Variants in ATOSA observed in about 807,000 individuals in gnomAD.
ATOSA encodes atos homolog A.
chr15:52,641,671 T>C, the ATOSA span, among the ~76,000 whole-genome samples: 1 of 152,216 alleles, frequency 6.6e-6, no homozygotes, highest in Non-Finnish European at 1.5e-5. Context: ...TCTGTGCAAA[T>C]ATAGGAAGAT....
chr15:52,608,904 A>C, the ATOSA span: 5 of 1,608,548 alleles, frequency 3.1e-6, no homozygotes, highest in Admixed American at 8.5e-5. Context: ...GAAGATTGCC[A>C]AAGAATTTTG....
the ATOSA span, among the ~76,000 whole-genome samples, chr15:52,696,124 A>G: frequency 1.3e-5 from 2 of 152,142 alleles, no homozygotes; most frequent in Non-Finnish European, 2.9e-5. Context: ...ATTAGGTGAT[A>G]GTGGGGCAAG....
At chr15:52,617,007 T>C in the ATOSA span, among the ~76,000 whole-genome samples, 1 of 152,128 alleles carries the variant, frequency 6.6e-6, no homozygotes, top group South Asian at 2.1e-4. Context: ...AAGTATATTG[T>C]TATGAAATTA....
the ATOSA span, among the ~76,000 whole-genome samples, chr15:52,673,531 G>T: frequency 6.6e-6 from 1 of 152,194 alleles, no homozygotes; most frequent in Non-Finnish European, 1.5e-5. Flanking sequence ...TATCTGTGAG[G>T]ATTAAATGAG....
the ATOSA span, among the ~76,000 whole-genome samples, chr15:52,695,577 G>C: frequency 6.6e-6 from 1 of 152,192 alleles, no homozygotes; most frequent in African/African-American, 2.4e-5. Context: ...TTGGAACAGT[G>C]AACAAAAAGA....
the ATOSA span, chr15:52,584,856 A>G: frequency 1.2e-6 from 2 of 1,613,598 alleles, no homozygotes; most frequent in Non-Finnish European, 1.7e-6. Flanking sequence ...TCTTTGTCGT[A>G]GGAATGTCTG....
chr15:52,660,799 G>C, the ATOSA span, among the ~76,000 whole-genome samples: 1 of 152,006 alleles, frequency 6.6e-6, no homozygotes, highest in African/African-American at 2.4e-5. Context: ...TTACAAGCAT[G>C]GGCCACCAAT....
the ATOSA span, among the ~76,000 whole-genome samples, chr15:52,643,482 TCTCA>T: frequency 0.55 from 81,882 of 147,838 alleles, 26,592 homozygotes; most frequent in Non-Finnish European, 0.73. Context: ...AGCGACAGCA[TCTCA>T]CTATGTTGCC....
the ATOSA span, among the ~76,000 whole-genome samples, chr15:52,673,373 G>T: frequency 6.6e-6 from 1 of 152,190 alleles, no homozygotes; most frequent in Non-Finnish European, 1.5e-5. Context: ...ACCAGTCAGG[G>T]AGCTTAAGAG....
At chr15:52,658,669 G>C in the ATOSA span, 1 of 397,694 alleles carries the variant, frequency 2.5e-6, no homozygotes, top group East Asian at 3.6e-5. Flanking sequence ...ACCACAAACA[G>C]AAAGGGATAG....
the ATOSA span, among the ~76,000 whole-genome samples, chr15:52,677,698 G>A: frequency 6.6e-6 from 1 of 152,080 alleles, no homozygotes; most frequent in Non-Finnish European, 1.5e-5. Context: ...CTAAAAACGA[G>A]CAAGTACAAC....
the ATOSA span, chr15:52,613,549 C>T: frequency 1.7e-6 from 2 of 1,192,374 alleles, no homozygotes; most frequent in Non-Finnish European, 2.3e-6. Flanking sequence ...GGATTTTTTC[C>T]CTTTATGATT....
At chr15:52,618,302 G>A in the ATOSA span, among the ~76,000 whole-genome samples, 1 of 152,164 alleles carries the variant, frequency 6.6e-6, no homozygotes, top group African/African-American at 2.4e-5. Context: ...GCCTCCCAAA[G>A]GGCTGGGATT....
chr15:52,611,728 T>C, the ATOSA span: 1 of 1,614,044 alleles, frequency 6.2e-7, no homozygotes, highest in Non-Finnish European at 8.5e-7. Flanking sequence ...TGGAAGGTTA[T>C]TCTTCCACAA....
chr15:52,697,652 C>A, the ATOSA span, among the ~76,000 whole-genome samples: 3 of 151,366 alleles, frequency 2.0e-5, no homozygotes, highest in African/African-American at 4.9e-5. Flanking sequence ...GTTTGCAAAC[C>A]AGACTAGAAG....
the ATOSA span, among the ~76,000 whole-genome samples, chr15:52,655,698 T>A: frequency 6.6e-6 from 1 of 152,254 alleles, no homozygotes; most frequent in African/African-American, 2.4e-5. Flanking sequence ...CTAATAGTCT[T>A]TGAGGGATAG....
chr15:52,692,774 C>T, the ATOSA span, among the ~76,000 whole-genome samples: 36 of 152,040 alleles, frequency 2.4e-4, no homozygotes, highest in East Asian at 4.8e-3. Context: ...ATCCTCCTGT[C>T]TCTGCCTCCT....
chr15:52,634,648 C>G, the ATOSA span, among the ~76,000 whole-genome samples: 1 of 143,878 alleles, frequency 7.0e-6, no homozygotes, highest in African/African-American at 2.6e-5. Flanking sequence ...GTCGCCCAGG[C>G]TGGAGTGCAG....
chr15:52,644,829 G>A, the ATOSA span, among the ~76,000 whole-genome samples: 12 of 152,146 alleles, frequency 7.9e-5, no homozygotes, highest in African/African-American at 1.9e-4. Context: ...AGAACACTTT[G>A]AGTTCTAATT....
Sources: gnomAD v4.1 joint callset for allele counts (sites outside exome capture counted in the v4.1 genomes callset) on GRCh38, gnomAD v4.1.1 for gene constraint, MANE v1.5 for transcripts, NCBI Gene and HGNC (gene_info 2026-07-23, HGNC 2026-07-21) for gene names.